Variants in MYO10 observed in about 807,000 individuals in gnomAD.
MYO10 encodes unconventional myosin-X.
A neutral mutation model predicts 257.3 loss-of-function variants in MYO10; 133 were observed. That is an observed-to-expected ratio of 0.52 (90% CI 0.45 to 0.60). The LOEUF (loss-of-function observed/expected upper bound fraction) is 0.60, where lower values mean the gene tolerates loss of function less well. Ranked by LOEUF, MYO10 falls within the 20% of genes least tolerant of loss-of-function variation. The pLI is 0.00. For synonymous variants in MYO10, 1,104 were observed against 1,028.6 expected (o/e 1.07, Z -1.40); for missense variants, 2,399 against 2,635.7 (o/e 0.91, Z 1.97).
chr5:16,778,639 A>G (rs1741299588), intron 9 of MYO10, among the ~76,000 whole-genome samples: 1 of 150,402 alleles, frequency 6.6e-6, no homozygotes, highest in African/African-American at 2.4e-5. Context: ...CTGGAAATCA[A>G]CATGTGAGGT....
intron 1 of MYO10, among the ~76,000 whole-genome samples, chr5:16,882,927 T>A (rs373476548): frequency 8.9e-4 from 135 of 151,688 alleles, no homozygotes; most frequent in Middle Eastern, 3.4e-3. Flanking sequence ...TTATTTATTT[T>A]TTTTTTGAGA....
chr5:16,749,237 A>AG, intron 19 of MYO10, among the ~76,000 whole-genome samples: 1 of 152,108 alleles, frequency 6.6e-6, no homozygotes, highest in Non-Finnish European at 1.5e-5. Flanking sequence ...AGTGGCTCCC[A>AG]GCACTTTGGG....
intron 1 of MYO10, among the ~76,000 whole-genome samples, chr5:16,928,363 T>C (rs929117870): frequency 1.3e-5 from 2 of 152,034 alleles, no homozygotes; most frequent in African/African-American, 4.8e-5. Context: ...CCCAGCTAAT[T>C]TTTGGATTTT....
intron 1 of MYO10, among the ~76,000 whole-genome samples, chr5:16,882,754 G>A (rs1311979396): frequency 1.3e-5 from 2 of 152,078 alleles, no homozygotes; most frequent in Non-Finnish European, 2.9e-5. Context: ...GGGTGCGGGA[G>A]GGACAGTGAC....
Position 16,791,940 on chromosome 5 carries a change from G to A in MYO10, c.467+2706C>T, listed in dbSNP as rs57906463. Reference sequence around the variant, plus strand: ...CTATATTAAGCAGCCGCTTCATTTCGATTAACTGCAAGCCGTTATGATCCC... The same window carrying A: ...CTATATTAAGCAGCCGCTTCATTTCAATTAACTGCAAGCCGTTATGATCCC... On this transcript the variant is annotated intron_variant, in intron 4 of 40. Transcript: ENST00000513610. Among the ~76,000 whole-genome samples, 752 of 152,146 alleles carry A rather than the reference G, an allele frequency of 4.9e-3. 4 individuals carry two copies. The highest frequency in any genetic ancestry group is 0.017 in the African/African-American group (712 of 41,510).
intron 8 of MYO10, 63 bp downstream of exon 8, chr5:16,780,461 T>G: frequency 7.4e-7 from 1 of 1,351,798 alleles, no homozygotes. Context: ...TCTCATTTAC[T>G]GACATCTATT....
intron 22 of MYO10, 47 bp downstream of exon 22, chr5:16,704,532 C>G: frequency 6.7e-7 from 1 of 1,494,880 alleles, no homozygotes; most frequent in Non-Finnish European, 9.3e-7. Context: ...AAGGAAGGAC[C>G]CCCTCATGGA....
At chr5:16,760,642 T>C (rs532969836) in intron 17 of MYO10, among the ~76,000 whole-genome samples, 1 of 152,272 alleles carries the variant, frequency 6.6e-6, no homozygotes, top group African/African-American at 2.4e-5. Context: ...AATTAAGGCA[T>C]TTATTTTACT....
chr5:16,766,074 G>C lies in MYO10; in HGVS notation c.1179+6C>G. 1.3e-6 allele frequency: 2 copies of C among 1,589,878 alleles called. No individual in the cohort carries two copies. The highest frequency in any genetic ancestry group is 1.7e-6 in the Non-Finnish European group (2 of 1,158,100). ...AACGCAAGATCAGATGGCAAAGCGT[G>C]TGTACCTGTTGAACATTGAGAGGCG... On this transcript the variant is annotated splice_donor_region_variant and intron_variant, in intron 11 of 40. Transcript: ENST00000513610.
chr5:16,786,568 T>A (rs555706652), intron 4 of MYO10, among the ~76,000 whole-genome samples: 2 of 152,310 alleles, frequency 1.3e-5, no homozygotes, highest in East Asian at 3.9e-4. Context: ...AGTGCCAACA[T>A]GACATTCAAT....
At chr5:16,904,798 G>A (rs934632331) in intron 1 of MYO10, among the ~76,000 whole-genome samples, 2 of 152,074 alleles carry the variant, frequency 1.3e-5, no homozygotes, top group Admixed American at 6.6e-5. Context: ...GCGTGGTAGC[G>A]GGCACCTGCA....
At position 16,829,388 on chromosome 5, in the gene MYO10, T is replaced by C. The variant is rs116792470; in HGVS notation, c.121-11221A>G. 2.2e-3 allele frequency among the ~76,000 whole-genome samples: 334 copies of C among 152,022 alleles called. 2 individuals are homozygous for C. Among genetic ancestry groups the C allele is most frequent in the African/African-American group, 7.7e-3 (321 of 41,476 alleles). ...CTTTCTAGAGACAAGAGATAAAGAA[T>C]AAATCTCACTGCAAGATGCAATTCA... On this transcript the variant is annotated intron_variant, in intron 2 of 40. Transcript: ENST00000513610.
chr5:16,766,682 G>C (rs1740880567), intron 10 of MYO10, among the ~76,000 whole-genome samples: 1 of 152,008 alleles, frequency 6.6e-6, no homozygotes, highest in Admixed American at 6.6e-5. Context: ...GGCCAGGACG[G>C]TCTTGATCTC....
intron 2 of MYO10, among the ~76,000 whole-genome samples, chr5:16,828,103 T>C (rs1382572425): frequency 1.3e-5 from 2 of 152,156 alleles, no homozygotes; most frequent in Non-Finnish European, 2.9e-5. Context: ...TGTTCGAATG[T>C]ATACGGTAAA....
At chr5:16,796,982 G>T (rs903874449) in intron 3 of MYO10, among the ~76,000 whole-genome samples, 2 of 109,484 alleles carry the variant, frequency 1.8e-5, no homozygotes, top group African/African-American at 6.0e-5. Context: ...GTTGGCGGAG[G>T]GTAACAAAAA....
chr5:16,679,930 G>T lies in MYO10; in HGVS notation c.4542+17C>A. On this transcript the variant is annotated intron_variant, in intron 33 of 40. Transcript: ENST00000513610. ...TGAGCTGTAATCACCCACCTTGATG[G>T]GCTTGTCTTGGCTTACCTTGATATC... is the stretch of plus-strand genomic sequence containing the variant. 6.2e-7 allele frequency: 1 copy of T among 1,611,860 alleles called. No individual in the cohort carries two copies.
intron 4 of MYO10, among the ~76,000 whole-genome samples, chr5:16,784,915 G>A (rs150585054): frequency 2.6e-5 from 4 of 152,270 alleles, no homozygotes; most frequent in African/African-American, 7.2e-5. Flanking sequence ...CTCTGCTAGC[G>A]ACAGGCCTGG....
rs1389805965 is a variant in MYO10, at chr5:16,685,753, G to C, written c.3975C>G (p.Asn1325Lys). The change falls in exon 29 of 41, where the codon AAC becomes AAG. Residue 1325 changes from asparagine (N) to lysine (K), a missense_variant. Transcript: ENST00000513610. The stretch of plus-strand genomic sequence containing the variant: ...GCTCCCGTACCACAGCATTCTGTGG[G>C]TTTGCCTGCTCATCATGCATCTCCT... ...EIQEMHDEQANPQNAVGTLDV... is the reference protein window; with the variant it reads ...EIQEMHDEQAKPQNAVGTLDV... 3.1e-6 allele frequency: 5 copies of C among 1,603,540 alleles called. No individual in the cohort carries two copies. Among genetic ancestry groups the C allele is most frequent in the African/African-American group, 1.3e-5 (1 of 74,646 alleles).
At chr5:16,829,524 G>A (rs776941528) in intron 2 of MYO10, among the ~76,000 whole-genome samples, 8 of 151,998 alleles carry the variant, frequency 5.3e-5, no homozygotes, top group Non-Finnish European at 8.8e-5. Flanking sequence ...TACACAAATC[G>A]CGCACCCCCA....
Sources: gnomAD v4.1 joint callset for allele counts (sites outside exome capture counted in the v4.1 genomes callset) on GRCh38, gnomAD v4.1.1 for gene constraint, MANE v1.5 for transcripts, NCBI Gene and HGNC (gene_info 2026-07-23, HGNC 2026-07-21) for gene names.